Variants in PDE8B observed in about 807,000 individuals in gnomAD.
The protein encoded by PDE8B is phosphodiesterase 8B, also known as high affinity cAMP-specific and IBMX-insensitive 3',5'-cyclic phosphodiesterase 8B.
In PDE8B, 26 loss-of-function variants were observed where a neutral mutation model predicts 101.3. The observed-to-expected ratio is 0.26, with a 90% CI of 0.19 to 0.36. PDE8B has a LOEUF of 0.36. Ranked by LOEUF, PDE8B falls within the 10% of genes least tolerant of loss-of-function variation. PDE8B has a pLI of 1.00. For missense variants in PDE8B, 810 were observed against 1,163.1 expected, an observed-to-expected ratio of 0.70 and a Z score of 4.42; for synonymous variants, 424 against 429.3, an observed-to-expected ratio of 0.99 and a Z score of 0.15.
At chr5:77,302,291 TCCC>T (rs1250605957) in intron 1 of PDE8B, among the ~76,000 whole-genome samples, 1 of 152,114 alleles carries the variant, frequency 6.6e-6, no homozygotes, top group Admixed American at 6.6e-5. Flanking sequence ...GGATGTAGCA[TCCC>T]CCCTCCACTG....
At position 77,400,374 on chromosome 5, in the gene PDE8B, T is replaced by A. The variant is rs528029569; in HGVS notation, c.1210+84T>A. 7.7e-6 allele frequency: 7 copies of A among 906,038 alleles called. No individual in the cohort carries two copies. In the African/African-American group the frequency reaches 9.7e-5, roughly 13 times the overall value. 56.1% of individuals were successfully genotyped at this position (906,038 alleles called of 1,614,324 possible). ...ATACATTTCTCTGAAGAAGTCTAAG[T>A]TGACATCTACTACCCCAGAATGTGG... On this transcript the variant is annotated intron_variant, in intron 11 of 21. Transcript: ENST00000264917.
intron 19 of PDE8B, 41 bp from the exon 20 acceptor site, chr5:77,421,780 G>C (rs373978977): frequency 1.9e-6 from 3 of 1,603,856 alleles, no homozygotes; most frequent in East Asian, 2.2e-5. Flanking sequence ...GGGCTTCACC[G>C]TCATCTTGAA....
intron 1 of PDE8B, among the ~76,000 whole-genome samples, chr5:77,262,675 T>G (rs1454199940): frequency 2.0e-5 from 3 of 152,248 alleles, no homozygotes; most frequent in African/African-American, 7.2e-5. Flanking sequence ...GAATTGGTTG[T>G]GCCTCTGATT....
chr5:77,368,589 A>C (rs1784530558), intron 10 of PDE8B, among the ~76,000 whole-genome samples: 1 of 152,162 alleles, frequency 6.6e-6, no homozygotes, highest in Non-Finnish European at 1.5e-5. Context: ...GTTTTGTCTC[A>C]CTACACAGGT....
chr5:77,290,956 G>A, intron 1 of PDE8B: 1 of 1,611,720 alleles, frequency 6.2e-7, no homozygotes, highest in Non-Finnish European at 8.5e-7. Flanking sequence ...GCAGATACCG[G>A]CACAGCAATG....
intron 10 of PDE8B, among the ~76,000 whole-genome samples, chr5:77,363,688 G>C (rs1377002539): frequency 1.3e-5 from 2 of 151,268 alleles, no homozygotes; most frequent in African/African-American, 4.9e-5. Flanking sequence ...CTCCAGCCTG[G>C]GTGACAGAGC....
intron 1 of PDE8B, chr5:77,291,601 C>A: frequency 5.0e-6 from 8 of 1,598,194 alleles, no homozygotes; most frequent in Non-Finnish European, 6.0e-6. Flanking sequence ...TGGCTTGGAC[C>A]TAAAGGATCA....
At chr5:77,187,821 A>G in the PDE8B span, among the ~76,000 whole-genome samples, 2 of 152,120 alleles carry the variant, frequency 1.3e-5, no homozygotes, top group Non-Finnish European at 2.9e-5. Context: ...TAAACAAATG[A>G]AAAAGCAACC....
rs369820101 is a variant in PDE8B, at chr5:77,411,639, T to C, written c.1531-37T>C. On this transcript the variant is annotated intron_variant, in intron 14 of 21. Transcript: ENST00000264917. ...AAAAAAAAGAGAATGATAATAGATA[T>C]AAAGCATGCTTCTAACAGGCTCTTC... 3.4e-5 allele frequency: 52 copies of C among 1,533,920 alleles called. 1 individual carries two copies. The East Asian group carries it at 9.0e-4, about 26-fold the overall frequency.
intron 6 of PDE8B, among the ~76,000 whole-genome samples, chr5:77,342,157 A>G (rs1452862112): frequency 1.3e-5 from 2 of 152,172 alleles, no homozygotes. Flanking sequence ...TTTTTTCACC[A>G]AAGCCTTTTG....
chr5:77,276,654 T>C (rs1367371807), intron 1 of PDE8B, among the ~76,000 whole-genome samples: 1 of 152,216 alleles, frequency 6.6e-6, no homozygotes, highest in Non-Finnish European at 1.5e-5. Context: ...CTGGACTCAG[T>C]AGTAGTGATT....
At chr5:77,303,852 A>T (rs11949070) in intron 1 of PDE8B, among the ~76,000 whole-genome samples, 4 of 152,126 alleles carry the variant, frequency 2.6e-5, no homozygotes, top group African/African-American at 7.2e-5. Flanking sequence ...AAGATTCATA[A>T]GTTTTAAATG....
At chr5:77,246,999 G>A (rs1404589076) in intron 1 of PDE8B, among the ~76,000 whole-genome samples, 1 of 152,192 alleles carries the variant, frequency 6.6e-6, no homozygotes, top group Non-Finnish European at 1.5e-5. Context: ...CTCATAGGTT[G>A]TTATAAGGAT....
At chr5:77,298,850 C>T (rs1369350581) in intron 1 of PDE8B, among the ~76,000 whole-genome samples, 2 of 152,196 alleles carry the variant, frequency 1.3e-5, no homozygotes, top group East Asian at 3.8e-4. Flanking sequence ...AAGTGGATGC[C>T]TACCTCCACC....
At position 77,413,003 on chromosome 5, in the gene PDE8B, T is replaced by C. The variant is rs770482013; in HGVS notation, c.1713-108T>C. ...AGATGCTTTTAAACCCCTGTGTGTG[T>C]GAAGCTATCATCAGAAGAAAAATGC... On this transcript the variant is annotated intron_variant, in intron 16 of 21. Transcript: ENST00000264917. 84 of 890,372 alleles carry C rather than the reference T, an allele frequency of 9.4e-5. 2 individuals are homozygous for C. Among genetic ancestry groups the C allele is most frequent in the Middle Eastern group, 6.6e-4 (2 of 3,046 alleles). The allele number at this position is 890,372 out of a possible 1,614,324, so 55.2% of individuals were successfully genotyped here.
At chr5:77,297,135 G>T (rs932601532) in intron 1 of PDE8B, among the ~76,000 whole-genome samples, 1 of 152,112 alleles carries the variant, frequency 6.6e-6, no homozygotes, top group Non-Finnish European at 1.5e-5. Flanking sequence ...GAAAGCAAGC[G>T]GAATTCATCC....
the PDE8B span, among the ~76,000 whole-genome samples, chr5:77,143,035 A>G: frequency 2.6e-5 from 4 of 152,246 alleles, no homozygotes; most frequent in Non-Finnish European, 5.9e-5. Context: ...GCAGCACCCT[A>G]GGAGACTTCG....
chr5:77,258,317 C>T (rs1325737837), intron 1 of PDE8B, among the ~76,000 whole-genome samples: 1 of 148,492 alleles, frequency 6.7e-6, no homozygotes, highest in East Asian at 2.0e-4. Context: ...AAAAGGAACC[C>T]AGAGCAGACC....
At chr5:77,236,336 T>C (rs376253834) in intron 1 of PDE8B, among the ~76,000 whole-genome samples, 1 of 152,136 alleles carries the variant, frequency 6.6e-6, no homozygotes, top group Non-Finnish European at 1.5e-5. Context: ...TGAAACTGGA[T>C]GGGATCATCA....
Sources: gnomAD v4.1 joint callset for allele counts (sites outside exome capture counted in the v4.1 genomes callset) on GRCh38, gnomAD v4.1.1 for gene constraint, MANE v1.5 for transcripts, NCBI Gene and HGNC (gene_info 2026-07-23, HGNC 2026-07-21) for gene names.